ZNF236: variants seen among roughly 807,000 people sequenced by gnomAD.
ZNF236 encodes the protein regulated by glucose.
In ZNF236, 50 loss-of-function variants were observed where a neutral mutation model predicts 191.2. The ratio of observed to expected loss-of-function variants is 0.26; its 90% CI spans 0.21 to 0.33. ZNF236 has a LOEUF of 0.33. ZNF236 is among the 10% of genes least tolerant of loss of function. ZNF236 has a pLI of 1.00. For missense variants in ZNF236, 1,754 were observed against 2,374.5 expected, an observed-to-expected ratio of 0.74 and a Z score of 5.43; for synonymous variants, 907 against 928.8, an observed-to-expected ratio of 0.98 and a Z score of 0.43.
chr18:76,954,841 A>G (rs1210947326), intron 27 of ZNF236, among the ~76,000 whole-genome samples: 1 of 152,188 alleles, frequency 6.6e-6, no homozygotes, highest in East Asian at 1.9e-4. Context: ...CGAGGCTGCA[A>G]TGTCTTTTCT....
intron 1 of ZNF236, among the ~76,000 whole-genome samples, chr18:76,826,799 CAA>C (rs376683576): frequency 1.4e-4 from 14 of 98,488 alleles, no homozygotes; most frequent in Admixed American, 1.1e-4. Context: ...GACTCAGTCT[CAA>C]AAAAAAAAAA....
At chr18:76,955,682 T>G (rs1469619651) in intron 27 of ZNF236, among the ~76,000 whole-genome samples, 2 of 152,194 alleles carry the variant, frequency 1.3e-5, no homozygotes, top group African/African-American at 4.8e-5. Flanking sequence ...GGTTAAGTAC[T>G]TAGCCCAGAG....
rs1488793228 is a variant in ZNF236 at position 76,960,703 on chromosome 18, T to G, written c.5267T>G (p.Leu1756Arg). 1 of 1,613,946 alleles carries G rather than the reference T, an allele frequency of 6.2e-7. No individual in the cohort carries two copies. The highest frequency in any genetic ancestry group is 8.5e-7 in the Non-Finnish European group (1 of 1,180,016). ...GGGGAGCGGCCGTTCCATTGCACGC[T>G]TTGTGAGAAAGCCTTCAACCAGAAG... ...HTGERPFHCT[L>R]CEKAFNQKSA... Residue 1756 changes from leucine to arginine, a missense_variant, in exon 30 of 31, where the codon CTT becomes CGT. Physicochemically the swap from Leu to Arg is moderately radical, Grantham distance 102. This residue lies in a region of ZNF236 where 606 missense variants were observed against 761.5 expected (regional missense o/e 0.80). Transcript: ENST00000320610. This position sits in a 1 kb window ranked among gnomAD's most constrained non-coding sequence, Gnocchi z 4.4.
At chr18:76,843,500 G>T (rs943634275) in intron 1 of ZNF236, among the ~76,000 whole-genome samples, 1 of 151,970 alleles carries the variant, frequency 6.6e-6, no homozygotes, top group African/African-American at 2.4e-5. Context: ...AGAAGAGGCC[G>T]GGCACAGTGG....
chr18:76,834,669 T>C, intron 1 of ZNF236: 1 of 438,414 alleles, frequency 2.3e-6, no homozygotes, highest in Non-Finnish European at 4.4e-6. Flanking sequence ...TATTTCTTCC[T>C]GTAAACCCAG....
intron 1 of ZNF236, among the ~76,000 whole-genome samples, chr18:76,829,519 G>A (rs879550569): frequency 5.3e-5 from 8 of 151,962 alleles, no homozygotes; most frequent in African/African-American, 9.7e-5. Flanking sequence ...GTAGAGATGG[G>A]GTTTCGCCAT....
rs544112852 is a variant in ZNF236 at position 76,966,020 on chromosome 18, G to A, written c.5420-2195G>A. ...GAGCATTGGGTGGGGGCTGGGCTAGGCGTGTCTGAGCTCAGACTCTCCTTG... is the reference window on the plus strand; with the variant it reads ...GAGCATTGGGTGGGGGCTGGGCTAGACGTGTCTGAGCTCAGACTCTCCTTG... On this transcript the variant is annotated intron_variant, in intron 30 of 30. Transcript: ENST00000320610. 3.0e-4 allele frequency among the ~76,000 whole-genome samples: 45 copies of A among 152,332 alleles called. No individual in the cohort carries two copies. The South Asian group carries it at 7.3e-3, about 25-fold the overall frequency.
intron 3 of ZNF236, among the ~76,000 whole-genome samples, chr18:76,866,288 G>A (rs1976400546): frequency 6.6e-6 from 1 of 152,216 alleles, no homozygotes; most frequent in Admixed American, 6.5e-5. Flanking sequence ...AGTGTTGAGG[G>A]AAGAGCAGCG....
chr18:76,913,405 A>G (rs1315289630), intron 17 of ZNF236, among the ~76,000 whole-genome samples: 4 of 152,348 alleles, frequency 2.6e-5, no homozygotes, highest in African/African-American at 7.2e-5. Context: ...CTTAATAAAG[A>G]AAAGAGTGCA....
intron 30 of ZNF236, among the ~76,000 whole-genome samples, chr18:76,962,795 A>T (rs1438220695): frequency 2.0e-5 from 3 of 151,828 alleles, no homozygotes; most frequent in African/African-American, 7.3e-5. Flanking sequence ...GTGTATTCCT[A>T]AGTTTTTTTT....
rs546781618 is a variant in ZNF236 at position 76,937,457 on chromosome 18, C to T, written c.4782+114C>T. ...TCTGAGCATTTTTTTTCCCCAAAAT[C>T]GAAGCATTTTTTTTCTGATTAAAAA... is the stretch of plus-strand genomic sequence containing the variant. On this transcript the variant is annotated intron_variant, in intron 26 of 30. Transcript: ENST00000320610. 297 of 1,021,064 alleles carry T rather than the reference C, an allele frequency of 2.9e-4. 1 individual carries two copies. The highest frequency in any genetic ancestry group is 5.8e-4 in the Admixed American group (18 of 30,914). 63.3% of individuals were successfully genotyped at this position (1,021,064 alleles called of 1,614,324 possible). A position where few individuals can be genotyped will look rare whatever the true frequency, so the allele number is the denominator to read the frequency against.
intron 9 of ZNF236, among the ~76,000 whole-genome samples, chr18:76,890,505 AAC>A (rs1355580909): frequency 1.2e-4 from 19 of 152,326 alleles, no homozygotes; most frequent in African/African-American, 4.1e-4. Flanking sequence ...AGTTTTGATA[AAC>A]AGTTATACTT....
intron 9 of ZNF236, among the ~76,000 whole-genome samples, chr18:76,884,451 A>G (rs990530688): frequency 1.3e-5 from 2 of 152,120 alleles, no homozygotes; most frequent in Non-Finnish European, 2.9e-5. Flanking sequence ...CTATCTAGAA[A>G]TCATGGTGAA....
chr18:76,882,661 A>G (rs937299016), intron 9 of ZNF236, among the ~76,000 whole-genome samples: 4 of 152,234 alleles, frequency 2.6e-5, no homozygotes, highest in African/African-American at 9.6e-5. Flanking sequence ...TTTCTCATGT[A>G]TAACATGATT....
intron 3 of ZNF236, among the ~76,000 whole-genome samples, chr18:76,855,200 A>T (rs184877712): frequency 6.6e-6 from 1 of 152,242 alleles, no homozygotes; most frequent in Non-Finnish European, 1.5e-5. Context: ...CTGGGATTAC[A>T]GGTATGATCC....
At chr18:76,950,540 A>G (rs189629166) in intron 27 of ZNF236, among the ~76,000 whole-genome samples, 3 of 152,276 alleles carry the variant, frequency 2.0e-5, no homozygotes, top group African/African-American at 2.4e-5. Flanking sequence ...TATATATACC[A>G]TGAGATTGCA....
At chr18:76,913,992 G>A (rs1599388759) in intron 18 of ZNF236, 94 bp downstream of exon 18, 5 of 1,371,998 alleles carry the variant, frequency 3.6e-6, no homozygotes, top group East Asian at 2.3e-5. Context: ...CCCACTTAAA[G>A]TGTACAATTC....
Position 76,913,966 on chromosome 18 carries a change from T to C in ZNF236, c.3061+68T>C, listed in dbSNP as rs2122778326. On this transcript the variant is annotated intron_variant, in intron 18 of 30. Transcript: ENST00000320610. ...AAAAGCTTTATTGAGATATAATCCA[T>C]ATACCATTCAGTTCACCCACTTAAA... 33 of 1,539,442 alleles carry C rather than the reference T, an allele frequency of 2.1e-5. 1 individual carries two copies. In the South Asian group the frequency reaches 3.6e-4, roughly 17 times the overall value.
At chr18:76,901,143 T>C (rs987209722) in intron 11 of ZNF236, among the ~76,000 whole-genome samples, 4 of 152,116 alleles carry the variant, frequency 2.6e-5, no homozygotes, top group African/African-American at 9.7e-5. Context: ...TTAATACATA[T>C]AATGGAATTG....
Sources: allele counts gnomAD v4.1 joint callset (sites outside exome capture counted in the v4.1 genomes callset), GRCh38; gene constraint gnomAD v4.1.1; regional missense constraint gnomAD v4.1.1; non-coding constraint Gnocchi (gnomAD v3.1); transcripts MANE v1.5; gene names NCBI Gene and HGNC (gene_info 2026-07-23, HGNC 2026-07-21).